The following ZNF563 variants were observed in gnomAD, a reference collection of about 807,000 sequenced individuals.
The protein encoded by ZNF563 is zinc finger protein 563.
A neutral mutation model predicts 48.5 loss-of-function variants in ZNF563; 39 were observed. The observed-to-expected ratio is 0.80, with a 90% CI of 0.62 to 1.05. The LOEUF is 1.05. Ranked by LOEUF, ZNF563 falls within the 50% of genes least tolerant of loss-of-function variation. The probability of loss-of-function intolerance (pLI) is 0.00; values close to 1 mark genes in which losing one functional copy is unlikely to be tolerated. For missense variants in ZNF563, 538 were observed against 597.0 expected (o/e 0.90, Z 1.03); for synonymous variants, 168 against 187.9 (o/e 0.89, Z 0.87).
At chr19:12,344,564 G>A in the ZNF563 span, among the ~76,000 whole-genome samples, 1 of 152,092 alleles carries the variant, frequency 6.6e-6, no homozygotes, top group Non-Finnish European at 1.5e-5. Context: ...GGAATGGAAA[G>A]AAACTTCCTT....
At chr19:12,321,791 C>A (rs1451806684) in intron 2 of ZNF563, among the ~76,000 whole-genome samples, 7 of 152,056 alleles carry the variant, frequency 4.6e-5, no homozygotes, top group Non-Finnish European at 7.4e-5. Flanking sequence ...CACAGCTCCA[C>A]CTACATATGA....
intron 1 of ZNF563, among the ~76,000 whole-genome samples, chr19:12,323,895 G>C (rs114120378): frequency 1.3e-5 from 2 of 152,100 alleles, no homozygotes; most frequent in African/African-American, 4.8e-5. Flanking sequence ...AATAATAAAA[G>C]ATATTTCACC....
chr19:12,328,741 C>G (rs1350738195), intron 1 of ZNF563, among the ~76,000 whole-genome samples: 1 of 151,428 alleles, frequency 6.6e-6, no homozygotes, highest in Non-Finnish European at 1.5e-5. Flanking sequence ...TGTACTTAAG[C>G]CTGGGCAACA....
chr19:12,333,428 G>A, intron 1 of ZNF563, 52 bp downstream of exon 1: 5 of 1,609,566 alleles, frequency 3.1e-6, no homozygotes, highest in South Asian at 1.1e-5. Context: ...GGTTCTGGAC[G>A]GTTCCAACCA....
At chr19:12,339,672 T>C in the ZNF563 span, among the ~76,000 whole-genome samples, 1 of 151,974 alleles carries the variant, frequency 6.6e-6, no homozygotes, top group Non-Finnish European at 1.5e-5. Context: ...AGGTGAGACA[T>C]GTAGGAGGGC....
At chr19:12,325,836 T>C (rs1968778794) in intron 1 of ZNF563, among the ~76,000 whole-genome samples, 1 of 152,216 alleles carries the variant, frequency 6.6e-6, no homozygotes, top group Admixed American at 6.6e-5. Flanking sequence ...TCAGGAAATC[T>C]CTATCAGAAC....
In ZNF563 at chr19:12,322,722, C is replaced by T; in HGVS notation, c.4-11G>A. ...AAAGGCCACTGCGTCCTGAAACATC[C>T]CACATAGATAGAGGAGAAAGGTTGA... On this transcript the variant is annotated splice_polypyrimidine_tract_variant and intron_variant, in intron 1 of 3. Transcript: ENST00000293725. 1.3e-6 allele frequency: 2 copies of T among 1,587,210 alleles called. No individual in the cohort carries two copies. The highest frequency in any genetic ancestry group is 1.7e-6 in the Non-Finnish European group (2 of 1,167,448).
In ZNF563 at chr19:12,321,591, C is replaced by T. The variant is rs190576764; in HGVS notation, c.131-259G>A. On this transcript the variant is annotated intron_variant, in intron 2 of 3. Transcript: ENST00000293725. ...TTCCGAGTAGCTGGGACTACAGATG[C>T]GTGCCACCACAACCAGCTAATGTTT... is the stretch of plus-strand genomic sequence containing the variant. 4.6e-3 allele frequency among the ~76,000 whole-genome samples: 701 copies of T among 152,158 alleles called. 7 individuals are homozygous for T. Among genetic ancestry groups the T allele is most frequent in the Middle Eastern group, 0.02 (6 of 294 alleles).
chr19:12,323,160 T>G (rs1028833494), intron 1 of ZNF563, among the ~76,000 whole-genome samples: 1 of 152,230 alleles, frequency 6.6e-6, no homozygotes, highest in Non-Finnish European at 1.5e-5. Flanking sequence ...CCCACCAATG[T>G]AACTAATAAC....
intron 3 of ZNF563, 25 bp downstream of exon 3, chr19:12,321,247 A>G: frequency 6.6e-7 from 1 of 1,512,768 alleles, no homozygotes; most frequent in Non-Finnish European, 9.0e-7. Flanking sequence ...CAGAAACATA[A>G]CTTTCTCCTG....
At chr19:12,332,336 T>C (rs1302406562) in intron 1 of ZNF563, among the ~76,000 whole-genome samples, 2 of 150,238 alleles carry the variant, frequency 1.3e-5, no homozygotes, top group African/African-American at 5.0e-5. Flanking sequence ...ACTTTGTTTT[T>C]TTTCTTTTTT....
At chr19:12,344,592 A>C in the ZNF563 span, among the ~76,000 whole-genome samples, 1 of 152,220 alleles carries the variant, frequency 6.6e-6, no homozygotes, top group Non-Finnish European at 1.5e-5. Flanking sequence ...AAAAAGTCAC[A>C]TATGAAAAAC....
At chr19:12,329,196 G>A (rs531600942) in intron 1 of ZNF563, among the ~76,000 whole-genome samples, 2 of 152,192 alleles carry the variant, frequency 1.3e-5, no homozygotes, top group African/African-American at 2.4e-5. Flanking sequence ...TCAACAGGCT[G>A]GGCGCGTTGG....
rs888476038 is a variant in ZNF563 at position 12,317,703 on chromosome 19, A to C, written c.*891T>G. The C allele has an allele frequency of 9.2e-5, 14 of 152,196 alleles. No individual in the cohort carries two copies. The highest frequency in any genetic ancestry group is 3.4e-4 in the African/African-American group (14 of 41,446). 9.4% of individuals were successfully genotyped at this position (152,196 alleles called of 1,614,324 possible). On this transcript the variant is annotated 3_prime_UTR_variant, in exon 4 of 4. Coordinates refer to ENST00000293725, the MANE Select transcript of ZNF563 (RefSeq NM_145276.3). Reference sequence around the variant, plus strand: ...AAAAGGACTTGGCATGTGTCGATTTATGTATGCCCAGGGGGTGGTAGAACC... The same window carrying C: ...AAAAGGACTTGGCATGTGTCGATTTCTGTATGCCCAGGGGGTGGTAGAACC...
intron 1 of ZNF563, among the ~76,000 whole-genome samples, chr19:12,324,721 A>T (rs10404180): frequency 5.3e-5 from 5 of 94,734 alleles, no homozygotes; most frequent in Non-Finnish European, 6.7e-5. Flanking sequence ...CCGTCTCAAG[A>T]AAAAAAAAAA....
At chr19:12,330,166 C>T (rs190740453) in intron 1 of ZNF563, among the ~76,000 whole-genome samples, 4 of 152,140 alleles carry the variant, frequency 2.6e-5, no homozygotes. Context: ...ATGATCCATA[C>T]ACCTCGGCCT....
chr19:12,340,670 A>G, the ZNF563 span, among the ~76,000 whole-genome samples: 7,992 of 152,128 alleles, frequency 0.053, 702 homozygotes, highest in African/African-American at 0.18. Flanking sequence ...CCAGCTACTC[A>G]GGAGGCTGAG....
At chr19:12,330,416 T>C (rs1968892477) in intron 1 of ZNF563, among the ~76,000 whole-genome samples, 3 of 152,170 alleles carry the variant, frequency 2.0e-5, no homozygotes, top group Non-Finnish European at 4.4e-5. Context: ...AATGAACAAC[T>C]GTTGTTTAAG....
upstream of ZNF563, among the ~76,000 whole-genome samples, chr19:12,337,491 C>T (rs754660128): frequency 1.3e-5 from 2 of 152,174 alleles, no homozygotes; most frequent in African/African-American, 2.4e-5. Flanking sequence ...GTGTGAGCCA[C>T]GCTGTCTGGC....
Sources: gnomAD v4.1 joint callset for allele counts (sites outside exome capture counted in the v4.1 genomes callset) on GRCh38, gnomAD v4.1.1 for gene constraint, MANE v1.5 for transcripts, NCBI Gene and HGNC (gene_info 2026-07-23, HGNC 2026-07-21) for gene names.